SULT1E1: variants seen among roughly 807,000 people sequenced by gnomAD.
The protein encoded by SULT1E1 is sulfotransferase 1E1.
SULT1E1 carries 36 observed loss-of-function variants against 33.6 expected under a neutral mutation model. The observed-to-expected ratio is 1.07, with a 90% confidence interval of 0.82 to 1.41. The LOEUF (loss-of-function observed/expected upper bound fraction) is 1.41, where lower values mean the gene tolerates loss of function less well. Among genes scored for constraint, SULT1E1 ranks in the 40% most tolerant of loss-of-function variants. The probability of loss-of-function intolerance (pLI) is 0.00; values close to 1 mark genes in which losing one functional copy is unlikely to be tolerated. For synonymous variants in SULT1E1, 121 were observed against 111.7 expected (o/e 1.08, Z -0.53); for missense variants, 371 against 345.7 (o/e 1.07, Z -0.58).
At chr4:69,847,636 GT>G (rs1161503836) in intron 6 of SULT1E1, 61 bp downstream of exon 6, 10 of 1,107,020 alleles carry the variant, frequency 9.0e-6, no homozygotes, top group Non-Finnish European at 1.0e-5. Flanking sequence ...TGTATCCAGA[GT>G]ATTTTCAAAT....
chr4:69,852,999 A>C (rs961480890), intron 4 of SULT1E1, among the ~76,000 whole-genome samples: 3 of 152,210 alleles, frequency 2.0e-5, no homozygotes, highest in Non-Finnish European at 4.4e-5. Context: ...GAATGACTTC[A>C]GCAGGACGTA....
intron 4 of SULT1E1, 147 bp downstream of exon 4, chr4:69,854,069 CT>C: frequency 2.0e-6 from 1 of 511,178 alleles, no homozygotes; most frequent in Non-Finnish European, 3.3e-6. Flanking sequence ...TATAGACTCT[CT>C]GACAATATTG....
At chr4:69,846,305 C>CAAAAAAAAAAAAAAAAAACA (rs34408656) in intron 6 of SULT1E1, among the ~76,000 whole-genome samples, 1 of 107,040 alleles carries the variant, frequency 9.3e-6, no homozygotes, top group African/African-American at 3.5e-5. Context: ...ACAAAACAAT[C>CAAAAAAAAAAAAAAAAAACA]AAAAAAAAAA....
chr4:69,845,368 G>A (rs564201573), intron 6 of SULT1E1, among the ~76,000 whole-genome samples: 5 of 151,344 alleles, frequency 3.3e-5, no homozygotes, highest in African/African-American at 9.7e-5. Flanking sequence ...TGATTATTAC[G>A]CATGGTGGCC....
chr4:69,852,423 G>C (rs1282671822), intron 4 of SULT1E1, among the ~76,000 whole-genome samples: 1 of 152,028 alleles, frequency 6.6e-6, no homozygotes, highest in East Asian at 1.9e-4. Context: ...CACCATAAAG[G>C]TTTCACTTTT....
chr4:69,851,176 A>G (rs1721094168), intron 4 of SULT1E1, among the ~76,000 whole-genome samples: 2 of 152,210 alleles, frequency 1.3e-5, no homozygotes, highest in South Asian at 4.1e-4. Flanking sequence ...CTACCATCAG[A>G]GTGAAAAGGC....
downstream of SULT1E1, among the ~76,000 whole-genome samples, chr4:69,839,688 T>G (rs1349031282): frequency 6.6e-6 from 1 of 152,182 alleles, no homozygotes; most frequent in Non-Finnish European, 1.5e-5. Flanking sequence ...TGGCCACCCC[T>G]ATGTATTTTA....
At chr4:69,829,634 G>T in the SULT1E1 span, among the ~76,000 whole-genome samples, 2 of 152,178 alleles carry the variant, frequency 1.3e-5, no homozygotes, top group Non-Finnish European at 2.9e-5. Flanking sequence ...GTGCCTGCAG[G>T]TTTTGAAGTA....
At chr4:69,836,162 C>T in the SULT1E1 span, among the ~76,000 whole-genome samples, 1 of 152,052 alleles carries the variant, frequency 6.6e-6, no homozygotes, top group Admixed American at 6.6e-5. Flanking sequence ...CATTTCAATA[C>T]TGCCTTAAAA....
the SULT1E1 span, among the ~76,000 whole-genome samples, chr4:69,832,926 A>G: frequency 6.6e-6 from 1 of 152,170 alleles, no homozygotes; most frequent in Non-Finnish European, 1.5e-5. Context: ...ACATCTCTAT[A>G]TTGAGGGAGT....
At chr4:69,833,658 C>T in the SULT1E1 span, among the ~76,000 whole-genome samples, 1 of 152,176 alleles carries the variant, frequency 6.6e-6, no homozygotes, top group Non-Finnish European at 1.5e-5. Context: ...TTGCCATTTT[C>T]CACTAATAAT....
the SULT1E1 span, among the ~76,000 whole-genome samples, chr4:69,821,158 A>G: frequency 6.6e-6 from 1 of 152,212 alleles, no homozygotes; most frequent in African/African-American, 2.4e-5. Context: ...GAAAATTCCA[A>G]CAGAATATCA....
At position 69,860,104 on chromosome 4, in the gene SULT1E1, A is replaced by G. The variant is rs761102798; in HGVS notation, c.-65T>C. On this transcript the variant is annotated 5_prime_UTR_variant, in exon 1 of 8. Transcript: ENST00000226444. ...TCTAGTTTATATCTCTTCAAATACC[A>G]AGGCAGATCTTAAGCTGCAAAAAAA... The G allele has an allele frequency of 1.3e-5, 2 of 152,098 alleles. No individual in the cohort carries two copies. The highest frequency in any genetic ancestry group is 2.1e-4 in the South Asian group (1 of 4,824). 9.4% of individuals were successfully genotyped at this position (152,098 alleles called of 1,614,324 possible). A position where few individuals can be genotyped will look rare whatever the true frequency, so the allele number is the denominator to read the frequency against.
At chr4:69,834,957 T>C in the SULT1E1 span, among the ~76,000 whole-genome samples, 1 of 152,162 alleles carries the variant, frequency 6.6e-6, no homozygotes, top group South Asian at 2.1e-4. Flanking sequence ...ACAAAGCTGC[T>C]GAAGAATTGT....
the SULT1E1 span, among the ~76,000 whole-genome samples, chr4:69,826,423 C>T: frequency 6.6e-6 from 1 of 152,072 alleles, no homozygotes; most frequent in Non-Finnish European, 1.5e-5. Flanking sequence ...CCTCGGTCCT[C>T]CTTGTGGTCT....
chr4:69,837,579 C>G (rs1170847523), downstream of SULT1E1, among the ~76,000 whole-genome samples: 1 of 152,012 alleles, frequency 6.6e-6, no homozygotes, highest in Non-Finnish European at 1.5e-5. Context: ...GATTGATAAA[C>G]TTGAAAATTT....
At chr4:69,840,243 T>A (rs915875328), downstream of SULT1E1, among the ~76,000 whole-genome samples, 1 of 152,172 alleles carries the variant, frequency 6.6e-6, no homozygotes, top group African/African-American at 2.4e-5. Context: ...AAACTATAAC[T>A]ATTGAATAGG....
chr4:69,851,712 T>C (rs1241852670), intron 4 of SULT1E1, among the ~76,000 whole-genome samples: 1 of 152,076 alleles, frequency 6.6e-6, no homozygotes, highest in Non-Finnish European at 1.5e-5. Context: ...TAGCAAAGAC[T>C]TGGAACCAAC....
the SULT1E1 span, among the ~76,000 whole-genome samples, chr4:69,825,138 C>T: frequency 0.045 from 6,870 of 151,792 alleles, 516 homozygotes; most frequent in African/African-American, 0.16. Context: ...GCCAGCGAGA[C>T]CATGAACCCA....
Sources: gnomAD v4.1 joint callset for allele counts (sites outside exome capture counted in the v4.1 genomes callset) on GRCh38, gnomAD v4.1.1 for gene constraint, MANE v1.5 for transcripts, NCBI Gene and HGNC (gene_info 2026-07-23, HGNC 2026-07-21) for gene names.